The following ABLIM1 variants were observed in gnomAD, a reference collection of about 807,000 sequenced individuals.
The protein encoded by ABLIM1 is actin binding LIM protein 1, also known as actin-binding LIM protein 1.
In ABLIM1, 40 loss-of-function variants were observed where a neutral mutation model predicts 107.0. That is an observed-to-expected ratio of 0.37 (90% confidence interval 0.29 to 0.49). The LOEUF is 0.49. ABLIM1 is among the 20% of genes least tolerant of loss of function. ABLIM1 has a pLI of 0.97. For synonymous variants in ABLIM1, 357 were observed against 357.3 expected, an observed-to-expected ratio of 1.00 and a Z score of 0.01; for missense variants, 857 against 1,008.5, an observed-to-expected ratio of 0.85 and a Z score of 2.04.
chr10:114,468,277 G>C (rs532723408), intron 10 of ABLIM1, 61 bp from the exon 11 acceptor site: 7 of 1,505,382 alleles, frequency 4.6e-6, no homozygotes, highest in Non-Finnish European at 6.5e-6. Flanking sequence ...CGTTTTGTTT[G>C]TTTGTTTGTT....
upstream of ABLIM1, among the ~76,000 whole-genome samples, chr10:114,685,859 G>T (rs1386713242): frequency 6.6e-6 from 1 of 152,084 alleles, no homozygotes; most frequent in Admixed American, 6.5e-5. Flanking sequence ...GTCTTTCATC[G>T]TTGCATTCTT....
chr10:114,644,306 A>AATATATATATATAT (rs1244613103), intron 1 of ABLIM1, among the ~76,000 whole-genome samples: 20 of 52,248 alleles, frequency 3.8e-4, no homozygotes, highest in South Asian at 9.7e-4. Context: ...AAAAAAAAAA[A>AATATATATATATAT]ATATATATAT....
At chr10:114,479,921 T>A (rs1255747032) in intron 8 of ABLIM1, among the ~76,000 whole-genome samples, 1 of 152,238 alleles carries the variant, frequency 6.6e-6, no homozygotes, top group African/African-American at 2.4e-5. Context: ...CTTTTCCTAA[T>A]GAATCCATAA....
intron 2 of ABLIM1, among the ~76,000 whole-genome samples, chr10:114,598,432 A>G (rs1226938259): frequency 6.6e-6 from 1 of 152,052 alleles, no homozygotes; most frequent in Admixed American, 6.5e-5. Context: ...TTAAAAAAAT[A>G]CAAAAATTAG....
upstream of ABLIM1, among the ~76,000 whole-genome samples, chr10:114,687,046 G>A (rs1194460890): frequency 3.3e-5 from 5 of 152,114 alleles, no homozygotes; most frequent in African/African-American, 7.2e-5. Context: ...TCCCAACCAC[G>A]CTTCTAGAAC....
chr10:114,511,126 T>C (rs1333698192), intron 6 of ABLIM1, among the ~76,000 whole-genome samples: 1 of 152,092 alleles, frequency 6.6e-6, no homozygotes, highest in African/African-American at 2.4e-5. Flanking sequence ...ATTATAAGTA[T>C]AATTATATAA....
At chr10:114,477,278 A>G (rs879727365) in intron 8 of ABLIM1, among the ~76,000 whole-genome samples, 2 of 152,204 alleles carry the variant, frequency 1.3e-5, no homozygotes, top group Non-Finnish European at 2.9e-5. Context: ...GCTAACTGAA[A>G]ATATTTTTGT....
At chr10:114,564,415 C>A (rs958134244) in intron 4 of ABLIM1, among the ~76,000 whole-genome samples, 5 of 151,196 alleles carry the variant, frequency 3.3e-5, no homozygotes, top group African/African-American at 1.2e-4. Context: ...CCGGCGCGTG[C>A]AAGAACACCT....
chr10:114,777,153 C>T, the ABLIM1 span, among the ~76,000 whole-genome samples: 8 of 152,152 alleles, frequency 5.3e-5, no homozygotes, highest in African/African-American at 1.9e-4. Context: ...CAATTTGGAT[C>T]ATTTTTATTG....
chr10:114,557,682 T>G (rs1029947637), intron 4 of ABLIM1, among the ~76,000 whole-genome samples: 5 of 142,990 alleles, frequency 3.5e-5, no homozygotes, highest in African/African-American at 8.0e-5. Flanking sequence ...TTTTTTTTTT[T>G]TTTTTTTTTT....
At position 114,749,617 on chromosome 10, in the gene ABLIM1, A is replaced by G. The variant is rs541811031; in HGVS notation, c.-213+18444T>C. On this transcript the variant is annotated intron_variant, in intron 1 of 15. Transcript: ENST00000651092. ...TTAACCAAGTGGATTCCTCTGCTCA[A>G]CACCCTTGAGTGGTTGTCGTTTCAC... Among the ~76,000 whole-genome samples the G allele has an allele frequency of 9.2e-5, 14 of 152,220 alleles. No homozygotes were observed. The South Asian group carries it at 2.7e-3, about 29-fold the overall frequency.
chr10:114,607,702 T>C (rs1478828529), intron 1 of ABLIM1, among the ~76,000 whole-genome samples: 3 of 151,998 alleles, frequency 2.0e-5, no homozygotes, highest in African/African-American at 7.3e-5. Context: ...AAATCCCAAA[T>C]GGAGGGACAT....
At chr10:114,588,789 G>A (rs1044820806) in intron 2 of ABLIM1, among the ~76,000 whole-genome samples, 1 of 152,074 alleles carries the variant, frequency 6.6e-6, no homozygotes, top group Non-Finnish European at 1.5e-5. Context: ...ACAGGCATGA[G>A]TCACCGCGTC....
chr10:114,633,380 T>A (rs1017065795), intron 1 of ABLIM1, among the ~76,000 whole-genome samples: 1 of 152,192 alleles, frequency 6.6e-6, no homozygotes, highest in Non-Finnish European at 1.5e-5. Context: ...GGTTTTCTGA[T>A]GTGTAACAGT....
chr10:114,503,668 C>T (rs558957612), intron 6 of ABLIM1, among the ~76,000 whole-genome samples: 2 of 152,190 alleles, frequency 1.3e-5, no homozygotes, highest in Admixed American at 6.5e-5. Flanking sequence ...CTTTGTATTA[C>T]AATTTTAATC....
rs113951304 is a variant in ABLIM1, at chr10:114,679,852, T to A, written c.64+4438A>T. Among the ~76,000 whole-genome samples, 603 of 152,260 alleles carry A rather than the reference T, an allele frequency of 4.0e-3. 5 individuals carry two copies. The highest frequency in any genetic ancestry group is 0.014 in the African/African-American group (588 of 41,554). On this transcript the variant is annotated intron_variant, in intron 1 of 23. Transcript: ENST00000369256. Reference sequence around the variant, plus strand: ...CTCCCATTCATGCGAGAAGACACTATCTGCCTTTTAAAACTAGGAATATGG... The same window carrying A: ...CTCCCATTCATGCGAGAAGACACTAACTGCCTTTTAAAACTAGGAATATGG...
rs1169367235 is a variant in ABLIM1 at position 114,583,492 on chromosome 10, T to C, written c.380-7893A>G. On this transcript the variant is annotated intron_variant, in intron 2 of 22. Transcript: ENST00000533213. The stretch of plus-strand genomic sequence containing the variant: ...ACATATATATATATATATATATATA[T>C]ATATATATATATATATATACTGTTG... Among the ~76,000 whole-genome samples, 10 of 35,074 alleles carry C rather than the reference T, an allele frequency of 2.9e-4. 1 individual carries two copies. Among genetic ancestry groups the C allele is most frequent in the South Asian group, 1.2e-3 (1 of 806 alleles). 23.0% of individuals were successfully genotyped at this position (35,074 alleles called of 152,430 possible).
intron 1 of ABLIM1, among the ~76,000 whole-genome samples, chr10:114,614,180 G>A (rs568176573): frequency 3.7e-4 from 56 of 152,216 alleles, no homozygotes; most frequent in Middle Eastern, 3.4e-3. Context: ...GGCCGGGTGC[G>A]GTGGCTTACA....
Position 114,507,055 on chromosome 10 carries a change from T to C in ABLIM1, c.895-15177A>G, listed in dbSNP as rs573691316. Among the ~76,000 whole-genome samples the C allele has an allele frequency of 2.6e-5, 4 of 152,338 alleles. No homozygotes were observed. In the South Asian group the frequency reaches 8.3e-4, roughly 32 times the overall value. On this transcript the variant is annotated intron_variant, in intron 6 of 22. Coordinates refer to ENST00000533213, the MANE Select transcript of ABLIM1 (RefSeq NM_002313.7). ...CAGATGGTTCAGCTCTATAGTACAC[T>C]ATCAGACTAAAAATATTTTTTCTTC...
Sources: gnomAD v4.1 joint callset for allele counts (sites outside exome capture counted in the v4.1 genomes callset) on GRCh38, gnomAD v4.1.1 for gene constraint, MANE v1.5 for transcripts, NCBI Gene and HGNC (gene_info 2026-07-23, HGNC 2026-07-21) for gene names.